The following KLRF1 variants were observed in gnomAD, a reference collection of about 807,000 sequenced individuals.
KLRF1 encodes killer cell lectin like receptor F1.
Under a neutral mutation model 30.7 loss-of-function variants are expected in KLRF1, and 27 were observed. The ratio of observed to expected loss-of-function variants is 0.88; its 90% CI spans 0.65 to 1.21. The LOEUF (loss-of-function observed/expected upper bound fraction) is 1.21, where lower values mean the gene tolerates loss of function less well. Ranked by LOEUF, KLRF1 falls within the 50% of genes most tolerant of loss-of-function variation. The probability of loss-of-function intolerance (pLI) is 0.00; values close to 1 mark genes in which losing one functional copy is unlikely to be tolerated. For synonymous variants in KLRF1, 92 were observed against 89.3 expected (o/e 1.03, Z -0.17); for missense variants, 246 against 259.3 (o/e 0.95, Z 0.35).
upstream of KLRF1, among the ~76,000 whole-genome samples, chr12:9,825,683 T>C (rs1867273025): frequency 6.6e-6 from 1 of 152,038 alleles, no homozygotes; most frequent in Non-Finnish European, 1.5e-5. Context: ...AATAATTAAC[T>C]GTAAGAGCTT....
chr12:9,832,953 GTACAATGTTCTGAC>G (rs1284035140), intron 2 of KLRF1, among the ~76,000 whole-genome samples: 2 of 152,116 alleles, frequency 1.3e-5, no homozygotes, highest in East Asian at 3.9e-4. Context: ...AGTAATTATG[GTACAATGTTCTGAC>G]TACAGTGTTG....
chr12:9,821,949 A>G, the KLRF1 span, among the ~76,000 whole-genome samples: 1 of 152,260 alleles, frequency 6.6e-6, no homozygotes, highest in African/African-American at 2.4e-5. Context: ...AAGACAAGTC[A>G]GTTGCAAGTA....
the KLRF1 span, among the ~76,000 whole-genome samples, chr12:9,803,995 T>C: frequency 3.3e-5 from 5 of 152,078 alleles, no homozygotes; most frequent in Non-Finnish European, 7.4e-5. Context: ...ATTTAACATT[T>C]TGAGGCATTG....
the KLRF1 span, among the ~76,000 whole-genome samples, chr12:9,816,572 A>G: frequency 1.3e-5 from 2 of 152,092 alleles, no homozygotes; most frequent in African/African-American, 4.8e-5. Flanking sequence ...AGATGCAGAA[A>G]ACATTCTATT....
chr12:9,841,937 G>T lies in KLRF1; in HGVS notation c.460G>T (p.Asp154Tyr). ...AAAATCTCATCTACTAATCATACATGACCAACTTGAAATGGTAATTGGTCT... is the reference window on the plus strand; with the variant it reads ...AAAATCTCATCTACTAATCATACATTACCAACTTGAAATGGTAATTGGTCT... ...ERKSHLLIIH[D>Y]QLEMAFIQKN... The change falls in exon 4 of 6, where the codon GAC (aspartate) becomes TAC (tyrosine). Residue 154 changes from aspartate (D) to tyrosine (Y), a missense_variant. Physicochemically the swap from Asp to Tyr is radical, Grantham distance 160. Coordinates refer to ENST00000617889, the MANE Select transcript of KLRF1 (RefSeq NM_016523.3). 6.2e-7 allele frequency: 1 copy of T among 1,611,256 alleles called. No homozygotes were observed. Among genetic ancestry groups the T allele is most frequent in the South Asian group, 1.1e-5 (1 of 90,652 alleles).
At position 9,844,681 on chromosome 12, in the gene KLRF1, G is replaced by C. The variant is rs1055059981; in HGVS notation, c.*155G>C. 32 of 517,212 alleles carry C rather than the reference G, an allele frequency of 6.2e-5. 1 individual carries two copies. The highest frequency in any genetic ancestry group is 5.4e-4 in the East Asian group (17 of 31,484). 32.0% of individuals were successfully genotyped at this position (517,212 alleles called of 1,614,324 possible). A position where few individuals can be genotyped will look rare whatever the true frequency, so the allele number is the denominator to read the frequency against. On this transcript the variant is annotated 3_prime_UTR_variant, in exon 6 of 6. Coordinates refer to ENST00000617889, the MANE Select transcript of KLRF1 (RefSeq NM_016523.3). ...CATCATCGACACTGGTCTAGCCTCA[G>C]AGTAACCCCTGTTAACAAACTAAAA...
At chr12:9,812,242 G>A in the KLRF1 span, among the ~76,000 whole-genome samples, 1 of 152,036 alleles carries the variant, frequency 6.6e-6, no homozygotes, top group African/African-American at 2.4e-5. Flanking sequence ...GCGGGCGCCT[G>A]TAGTCCCAGC....
chr12:9,838,397 T>C (rs1867631022), intron 3 of KLRF1, among the ~76,000 whole-genome samples: 2 of 152,116 alleles, frequency 1.3e-5, no homozygotes, highest in South Asian at 2.1e-4. Context: ...GGCAATTCCC[T>C]GCTCAACTAT....
the KLRF1 span, among the ~76,000 whole-genome samples, chr12:9,802,195 A>G: frequency 6.6e-6 from 1 of 152,124 alleles, no homozygotes; most frequent in African/African-American, 2.4e-5. Flanking sequence ...ATACAAATCA[A>G]TAAATGTAAT....
At chr12:9,819,345 C>T in the KLRF1 span, among the ~76,000 whole-genome samples, 4 of 152,174 alleles carry the variant, frequency 2.6e-5, no homozygotes, top group Admixed American at 6.5e-5. Context: ...GGATAAGACC[C>T]TCTGGCTTGG....
At chr12:9,816,498 A>G in the KLRF1 span, among the ~76,000 whole-genome samples, 6 of 151,996 alleles carry the variant, frequency 3.9e-5, no homozygotes, top group Admixed American at 3.9e-4. Context: ...TGCTTTCAGG[A>G]AGTCATTTCA....
chr12:9,814,301 G>A, the KLRF1 span, among the ~76,000 whole-genome samples: 2 of 152,166 alleles, frequency 1.3e-5, no homozygotes, highest in African/African-American at 4.8e-5. Flanking sequence ...AAGCAGCTGC[G>A]CACCGACAGG....
Position 9,832,337 on chromosome 12 carries a change from G to T in KLRF1, c.107G>T (p.Trp36Leu), listed in dbSNP as rs142387146. ...TFKDYSVTLHWYKILLGISGT... is the reference protein window; with the variant it reads ...TFKDYSVTLHLYKILLGISGT... Reference sequence around the variant, plus strand: ...TCAGATTATTCAGTGACGTTGCACTGGTATAAAATCTTACTGGGAATATCT... The same window carrying T: ...TCAGATTATTCAGTGACGTTGCACTTGTATAAAATCTTACTGGGAATATCT... Residue 36 changes from tryptophan to leucine, a missense_variant, in exon 2 of 6, where the codon TGG becomes TTG. Physicochemically the swap from Trp to Leu is moderately conservative, Grantham distance 61 (BLOSUM62 -2). Transcript: ENST00000617889. 7 of 1,602,510 alleles carry T rather than the reference G, an allele frequency of 4.4e-6. No individual in the cohort carries two copies. In the African/African-American group the frequency reaches 9.4e-5, roughly 21 times the overall value.
At chr12:9,811,894 A>T in the KLRF1 span, among the ~76,000 whole-genome samples, 1 of 152,236 alleles carries the variant, frequency 6.6e-6, no homozygotes, top group Admixed American at 6.5e-5. Flanking sequence ...GGGTAAGCAG[A>T]TGTAACATGC....
At chr12:9,816,892 A>AT in the KLRF1 span, among the ~76,000 whole-genome samples, 1 of 150,054 alleles carries the variant, frequency 6.7e-6, no homozygotes, top group East Asian at 2.0e-4. Flanking sequence ...CCCGGCTAAT[A>AT]TTTTTTTTTC....
At chr12:9,823,218 C>T (rs1160290360), upstream of KLRF1, among the ~76,000 whole-genome samples, 1 of 63,986 alleles carries the variant, frequency 1.6e-5, no homozygotes, top group African/African-American at 4.3e-5. Context: ...CAATTCTTAG[C>T]AAATGCAAAA....
chr12:9,820,009 AG>A, the KLRF1 span, among the ~76,000 whole-genome samples: 1 of 151,910 alleles, frequency 6.6e-6, no homozygotes, highest in East Asian at 1.9e-4. Context: ...TGAGGTTATG[AG>A]GGGGCTGGTT....
chr12:9,834,878 G>T (rs2539936), intron 3 of KLRF1, among the ~76,000 whole-genome samples: 137 of 152,076 alleles, frequency 9.0e-4, no homozygotes, highest in Non-Finnish European at 1.6e-3. Context: ...TCAGCAGTGA[G>T]TAAGTCAAGG....
At chr12:9,817,368 C>T in the KLRF1 span, 91 of 323,276 alleles carry the variant, frequency 2.8e-4, no homozygotes, top group Middle Eastern at 1.1e-3. Context: ...CATAAGCCAG[C>T]AGTTCTCAGC....
Sources: gnomAD v4.1 joint callset for allele counts (sites outside exome capture counted in the v4.1 genomes callset) on GRCh38, gnomAD v4.1.1 for gene constraint, MANE v1.5 for transcripts, NCBI Gene and HGNC (gene_info 2026-07-23, HGNC 2026-07-21) for gene names.